The following SLC13A3 variants were observed in gnomAD, a reference collection of about 807,000 sequenced individuals.
SLC13A3 encodes the protein Na(+)/dicarboxylate cotransporter 3.
SLC13A3 carries 40 observed loss-of-function variants against 59.0 expected under a neutral mutation model. The ratio of observed to expected loss-of-function variants is 0.68; its 90% confidence interval spans 0.53 to 0.88. The LOEUF (loss-of-function observed/expected upper bound fraction) is 0.88. Among genes scored for constraint, SLC13A3 ranks in the 40% least tolerant of loss-of-function variants. The probability of loss-of-function intolerance (pLI) is 0.00; values close to 1 mark genes in which losing one functional copy is unlikely to be tolerated. For synonymous variants in SLC13A3, 317 were observed against 330.3 expected (o/e 0.96, Z 0.44); for missense variants, 699 against 783.2 (o/e 0.89, Z 1.28).
At chr20:46,563,630 G>GAGAGAGAA in intron 11 of SLC13A3, 79 bp from the exon 12 acceptor site, 1 of 1,473,736 alleles carries the variant, frequency 6.8e-7, no homozygotes, top group Non-Finnish European at 9.2e-7. Flanking sequence ...GAGAGAGAGA[G>GAGAGAGAA]AGGCAGTTGG....
upstream of SLC13A3, among the ~76,000 whole-genome samples, chr20:46,674,588 T>TGCGCGCGCGCGCGC (rs549666867): frequency 7.3e-5 from 10 of 136,834 alleles, no homozygotes; most frequent in African/African-American, 2.6e-4. Flanking sequence ...AGGTGGGGAG[T>TGCGCGCGCGCGCGC]GCGCGCGCGC....
intron 1 of SLC13A3, chr20:46,682,344 C>T (rs117352566): frequency 0.013 from 1,935 of 152,360 alleles, 19 homozygotes; most frequent in Middle Eastern, 0.047. Context: ...ATGTTCCCAA[C>T]CCCTAAGGTA....
intron 6 of SLC13A3, among the ~76,000 whole-genome samples, chr20:46,592,033 T>C (rs2062262838): frequency 7.3e-6 from 1 of 137,818 alleles, no homozygotes; most frequent in Non-Finnish European, 1.5e-5. Context: ...ATAGTGAGAC[T>C]CTGTCTCTAC....
At chr20:46,601,292 G>C (rs913516763) in intron 3 of SLC13A3, among the ~76,000 whole-genome samples, 2 of 152,176 alleles carry the variant, frequency 1.3e-5, no homozygotes, top group Non-Finnish European at 2.9e-5. Context: ...TGAGAGTCCA[G>C]TTCTGGATCT....
chr20:46,658,373 G>A (rs2063007504), intron 1 of SLC13A3, among the ~76,000 whole-genome samples: 1 of 152,166 alleles, frequency 6.6e-6, no homozygotes, highest in Admixed American at 6.6e-5. Context: ...ACTGGAAACA[G>A]CATGAGGAAA....
At chr20:46,659,149 A>G (rs984916221) in intron 1 of SLC13A3, among the ~76,000 whole-genome samples, 4 of 152,110 alleles carry the variant, frequency 2.6e-5, no homozygotes, top group Non-Finnish European at 5.9e-5. Flanking sequence ...ATCAATTTAC[A>G]TCTAATATAA....
chr20:46,624,331 A>G (rs2062646140), intron 1 of SLC13A3, among the ~76,000 whole-genome samples: 1 of 152,248 alleles, frequency 6.6e-6, no homozygotes, highest in Non-Finnish European at 1.5e-5. Flanking sequence ...TGTGGCAGAC[A>G]CTGCCCAAAC....
Position 46,657,009 on chromosome 20 carries a change from T to C in SLC13A3, c.-31+13034A>G, listed in dbSNP as rs75337093. ...TGTTTCTTTGCTGAGGTTTTCTACT[T>C]TTTTCGTTTGTTTCCAGTGTGACAC... On this transcript the variant is annotated intron_variant, in intron 1 of 12. Transcript: ENST00000290317. Among the ~76,000 whole-genome samples the C allele has an allele frequency of 9.7e-3, 1,472 of 152,270 alleles. 11 individuals are homozygous for C. The highest frequency in any genetic ancestry group is 0.014 in the Non-Finnish European group (933 of 68,016).
At chr20:46,590,623 A>G (rs990931975) in intron 6 of SLC13A3, among the ~76,000 whole-genome samples, 2 of 152,206 alleles carry the variant, frequency 1.3e-5, no homozygotes, top group African/African-American at 4.8e-5. Flanking sequence ...AATAAACACA[A>G]GTTATTTTTC....
Position 46,590,249 on chromosome 20 carries a change from A to C in SLC13A3, c.921-994T>G, listed in dbSNP as rs371097099. ...TAATAATACTAGAAGAAAACATATGATTATTCTTTTATAAGTCCTGTATTA... is the reference window on the plus strand; with the variant it reads ...TAATAATACTAGAAGAAAACATATGCTTATTCTTTTATAAGTCCTGTATTA... On this transcript the variant is annotated intron_variant, in intron 6 of 12. Transcript: ENST00000279027. 6.6e-5 allele frequency among the ~76,000 whole-genome samples: 10 copies of C among 152,272 alleles called. No homozygotes were observed. In the South Asian group the frequency reaches 1.2e-3, roughly 19 times the overall value.
intron 11 of SLC13A3, among the ~76,000 whole-genome samples, chr20:46,565,590 C>T (rs1223753326): frequency 6.6e-6 from 1 of 151,978 alleles, no homozygotes; most frequent in African/African-American, 2.4e-5. Flanking sequence ...TCCAAAAGTG[C>T]TGGGATTACA....
At chr20:46,641,002 G>T (rs1180053153) in intron 1 of SLC13A3, among the ~76,000 whole-genome samples, 2 of 152,302 alleles carry the variant, frequency 1.3e-5, no homozygotes, top group Admixed American at 6.5e-5. Flanking sequence ...GGGTCAGCGG[G>T]TCTATGTGCC....
chr20:46,597,649 C>A (rs1451843452), intron 4 of SLC13A3, among the ~76,000 whole-genome samples: 2 of 152,140 alleles, frequency 1.3e-5, no homozygotes, highest in South Asian at 2.1e-4. Context: ...GTTGGCCTGG[C>A]TGGTCTCGAA....
intron 3 of SLC13A3, chr20:46,608,759 G>C (rs2062462041): frequency 1.7e-6 from 2 of 1,186,812 alleles, no homozygotes; most frequent in Admixed American, 6.0e-5. Flanking sequence ...TTAAAAACTA[G>C]AACTAGCACA....
chr20:46,593,537 C>T (rs1355113513), intron 5 of SLC13A3, among the ~76,000 whole-genome samples: 1 of 152,064 alleles, frequency 6.6e-6, no homozygotes, highest in African/African-American at 2.4e-5. Flanking sequence ...TTATTTCCTC[C>T]TTTTTCTCTA....
intron 10 of SLC13A3, among the ~76,000 whole-genome samples, chr20:46,569,981 C>T (rs2062016215): frequency 6.6e-6 from 1 of 152,174 alleles, no homozygotes; most frequent in African/African-American, 2.4e-5. Flanking sequence ...CTTTGTAAAA[C>T]ACAACGGGCT....
At chr20:46,602,420 A>G (rs556771492) in intron 3 of SLC13A3, among the ~76,000 whole-genome samples, 91 of 152,260 alleles carry the variant, frequency 6.0e-4, no homozygotes, top group African/African-American at 2.1e-3. Flanking sequence ...TGTTTTGGAG[A>G]AAAGAAAATT....
intron 9 of SLC13A3, among the ~76,000 whole-genome samples, chr20:46,576,192 C>T (rs1003076070): frequency 2.2e-4 from 33 of 152,170 alleles, no homozygotes; most frequent in Admixed American, 1.9e-3. Context: ...AGGGGGTTAG[C>T]GAGTGAATCA....
chr20:46,591,181 TAAATAAATAAATAAAC>T (rs1218274073), intron 6 of SLC13A3, among the ~76,000 whole-genome samples: 5 of 148,786 alleles, frequency 3.4e-5, no homozygotes, highest in East Asian at 2.1e-4. Context: ...AATAAATAAA[TAAATAAATAAATAAAC>T]AAACAAACAA....
Sources: allele counts gnomAD v4.1 joint callset (sites outside exome capture counted in the v4.1 genomes callset), GRCh38; gene constraint gnomAD v4.1.1; transcripts MANE v1.5; gene names NCBI Gene and HGNC (gene_info 2026-07-23, HGNC 2026-07-21).